Variants in CNTN6 observed in about 807,000 individuals in gnomAD.
CNTN6 encodes the protein contactin-6.
In CNTN6, 137 loss-of-function variants were observed where a neutral mutation model predicts 122.8. That is an observed-to-expected ratio of 1.12 (90% CI 0.97 to 1.29). The LOEUF is 1.29. Ranked by LOEUF, CNTN6 falls within the 50% of genes most tolerant of loss-of-function variation. CNTN6 has a pLI of 0.00. For synonymous variants in CNTN6, 570 were observed against 426.0 expected, an observed-to-expected ratio of 1.34 and a Z score of -4.16; for missense variants, 1,634 against 1,223.4, an observed-to-expected ratio of 1.34 and a Z score of -5.01.
intron 4 of CNTN6, among the ~76,000 whole-genome samples, chr3:1,262,324 T>C (rs1169040911): frequency 6.6e-6 from 1 of 152,060 alleles, no homozygotes; most frequent in East Asian, 1.9e-4. Context: ...ACAAGGAGAC[T>C]GATCAGCTGG....
chr3:1,374,135 A>G, intron 16 of CNTN6, 62 bp downstream of exon 16: 1 of 1,290,400 alleles, frequency 7.7e-7, no homozygotes, highest in Admixed American at 2.1e-5. Context: ...CTTAAAACAA[A>G]ACAAGTATTT....
At position 1,401,542 on chromosome 3, in the gene CNTN6, C is replaced by T. The variant is rs1271464992; in HGVS notation, c.2814C>T (p.Tyr938=). 2.5e-6 allele frequency: 4 copies of T among 1,604,100 alleles called. No homozygotes were observed. In the South Asian group the frequency reaches 4.4e-5, roughly 18 times the overall value. The change falls in exon 21 of 23, where the codon TAC becomes TAT. Residue 938 remains tyrosine (Y), a synonymous_variant. Transcript: ENST00000446702. ...AAAATGAGTCTGAAGTTTTGGGGTA[C>T]AAGGTGAGTTTTTAGTTTTTCCTTT... ...TMENESEVLG[Y]KILYRQNRQS... is the part of the protein sequence containing the mutation.
chr3:1,380,176 A>G (rs994120982), intron 17 of CNTN6, among the ~76,000 whole-genome samples: 5 of 152,148 alleles, frequency 3.3e-5, no homozygotes, highest in Admixed American at 3.3e-4. Flanking sequence ...TTTGAAAGGC[A>G]CTGCGCGACA....
intron 12 of CNTN6, among the ~76,000 whole-genome samples, chr3:1,364,358 A>C (rs1447265373): frequency 1.3e-5 from 2 of 151,936 alleles, no homozygotes; most frequent in Non-Finnish European, 2.9e-5. Flanking sequence ...TAAATAAAGG[A>C]AGAGCCCCAT....
rs186993595 is a variant in CNTN6, at chr3:1,397,102, T to C, written c.2705-4331T>C. ...ATCATCCAGTCATCTACTCAAGAGA[T>C]AGTGCCTCCCATGAGCCATGCCTAG... On this transcript the variant is annotated intron_variant, in intron 20 of 22. Transcript: ENST00000446702. Among the ~76,000 whole-genome samples, 244 of 152,312 alleles carry C rather than the reference T, an allele frequency of 1.6e-3. 2 individuals are homozygous for C. The highest frequency in any genetic ancestry group is 5.5e-3 in the African/African-American group (229 of 41,576).
chr3:1,297,964 T>C lies in CNTN6; in HGVS notation c.734T>C (p.Val245Ala), dbSNP rs1173098723. 6.2e-7 allele frequency: 1 copy of C among 1,611,338 alleles called. No individual in the cohort carries two copies. Among genetic ancestry groups the C allele is most frequent in the Non-Finnish European group, 8.5e-7 (1 of 1,179,068 alleles). Reference protein sequence around the residue: ...ETIQAAKDSSVKLECFALGNP... With the variant: ...ETIQAAKDSSAKLECFALGNP... The stretch of plus-strand genomic sequence containing the variant: ...ATACAAGCTGCAAAGGATTCATCTG[T>C]AAAACTGGAATGTTTTGCCCTTGGA... Residue 245 changes from valine (V) to alanine (A), a missense_variant, in exon 7 of 23, where the codon GTA (valine) becomes GCA (alanine). Physicochemically the swap from Val to Ala is moderately conservative, Grantham distance 64. Transcript: ENST00000446702.
At chr3:1,132,658 A>T (rs372009682) in intron 1 of CNTN6, among the ~76,000 whole-genome samples, 1 of 144,402 alleles carries the variant, frequency 6.9e-6, no homozygotes, top group East Asian at 2.1e-4. Context: ...CTCTGTCTAA[A>T]AAATAAATAA....
chr3:1,347,965 T>C (rs1704993396), intron 11 of CNTN6, among the ~76,000 whole-genome samples: 1 of 151,834 alleles, frequency 6.6e-6, no homozygotes, highest in Non-Finnish European at 1.5e-5. Flanking sequence ...CAATTTCTTC[T>C]TTCCTTGTTT....
intron 10 of CNTN6, 103 bp downstream of exon 10, chr3:1,327,689 T>C: frequency 8.7e-7 from 1 of 1,147,642 alleles, no homozygotes; most frequent in Non-Finnish European, 1.2e-6. Flanking sequence ...GAAATTGCTG[T>C]CCCATCAAAT....
chr3:1,300,527 TAAAGA>T (rs1184518814), intron 7 of CNTN6, among the ~76,000 whole-genome samples: 2 of 81,416 alleles, frequency 2.5e-5, no homozygotes, highest in Non-Finnish European at 5.6e-5. Flanking sequence ...GAAAGAAAGA[TAAAGA>T]AAGAGAGAGA....
chr3:1,206,248 C>T (rs1340296995), intron 2 of CNTN6, among the ~76,000 whole-genome samples: 2 of 152,164 alleles, frequency 1.3e-5, no homozygotes, highest in African/African-American at 2.4e-5. Context: ...TACTTCCCCT[C>T]CTATCATCTG....
intron 1 of CNTN6, among the ~76,000 whole-genome samples, chr3:1,142,228 A>G (rs1019465393): frequency 6.6e-6 from 1 of 151,048 alleles, no homozygotes; most frequent in East Asian, 1.9e-4. Flanking sequence ...AAAAAAAAAA[A>G]CATGATTATT....
intron 1 of CNTN6, among the ~76,000 whole-genome samples, chr3:1,132,615 C>T (rs7649827): frequency 0.11 from 16,978 of 151,160 alleles, 1,382 homozygotes; most frequent in East Asian, 0.33. Flanking sequence ...TGTGATCCCA[C>T]TACTGCATTC....
intron 20 of CNTN6, among the ~76,000 whole-genome samples, chr3:1,397,862 C>A (rs1167888224): frequency 6.6e-6 from 1 of 152,048 alleles, no homozygotes; most frequent in Non-Finnish European, 1.5e-5. Flanking sequence ...CAAATGTCAA[C>A]CCCATGCTGT....
At chr3:1,258,507 G>T (rs952723679) in intron 4 of CNTN6, among the ~76,000 whole-genome samples, 1 of 152,126 alleles carries the variant, frequency 6.6e-6, no homozygotes, top group Non-Finnish European at 1.5e-5. Context: ...CACAAAGCTT[G>T]AGTGTGCAGT....
At chr3:1,399,547 T>C (rs1463133226) in intron 20 of CNTN6, among the ~76,000 whole-genome samples, 1 of 152,026 alleles carries the variant, frequency 6.6e-6, no homozygotes, top group Non-Finnish European at 1.5e-5. Context: ...ATCTTATAAA[T>C]AGGTATGGAT....
chr3:1,212,664 G>C (rs2094062774), intron 2 of CNTN6, among the ~76,000 whole-genome samples: 1 of 151,744 alleles, frequency 6.6e-6, no homozygotes, highest in Admixed American at 6.6e-5. Flanking sequence ...CATTCTTAAA[G>C]CACAAGTATT....
At chr3:1,282,987 T>TA (rs1371300444) in intron 5 of CNTN6, among the ~76,000 whole-genome samples, 8 of 152,162 alleles carry the variant, frequency 5.3e-5, no homozygotes, top group African/African-American at 1.7e-4. Flanking sequence ...AACTCTTTTT[T>TA]TTTGAGAGGG....
At chr3:1,395,892 G>T (rs984602907) in intron 20 of CNTN6, among the ~76,000 whole-genome samples, 1 of 152,124 alleles carries the variant, frequency 6.6e-6, no homozygotes, top group Admixed American at 6.5e-5. Flanking sequence ...CAAATGCTTA[G>T]AAAGGTTTTG....
Sources: gnomAD v4.1 joint callset for allele counts (sites outside exome capture counted in the v4.1 genomes callset) on GRCh38, gnomAD v4.1.1 for gene constraint, MANE v1.5 for transcripts, NCBI Gene and HGNC (gene_info 2026-07-23, HGNC 2026-07-21) for gene names.